Variants in LIG4 observed in about 807,000 individuals in gnomAD.
The protein encoded by LIG4 is DNA joinase.
LIG4 carries 13 observed loss-of-function variants against 19.0 expected under a neutral mutation model. The ratio of observed to expected loss-of-function variants is 0.68; its 90% CI spans 0.44 to 1.09. LIG4 has a LOEUF of 1.09. Ranked by LOEUF, LIG4 falls within the 50% of genes least tolerant of loss-of-function variation. LIG4 has a pLI of 0.00. For synonymous variants in LIG4, 361 were observed against 358.2 expected, an observed-to-expected ratio of 1.01 and a Z score of -0.09; for missense variants, 1,026 against 1,089.7, an observed-to-expected ratio of 0.94 and a Z score of 0.82.
chr13:108,217,292 G>T (rs773698467), upstream of LIG4, among the ~76,000 whole-genome samples: 8 of 152,224 alleles, frequency 5.3e-5, no homozygotes, highest in Non-Finnish European at 1.0e-4. Context: ...GAGGTGGGTG[G>T]ATCACCAGAG....
chr13:108,209,735 T>C lies in LIG4; in HGVS notation c.1534A>G (p.Met512Val), dbSNP rs267603750. 1.2e-6 allele frequency: 2 copies of C among 1,614,100 alleles called. No individual in the cohort carries two copies. Among genetic ancestry groups the C allele is most frequent in the Admixed American group, 1.7e-5 (1 of 60,022 alleles). Residue 512 changes from methionine to valine, a missense_variant, in exon 3 of 3, where the codon ATG becomes GTG. Met to Val is a conservative substitution (Grantham distance 21). This residue lies in a region of LIG4 where 521 missense variants were observed against 515.5 expected (regional missense o/e 1.01). Transcript: ENST00000442234. ...TLSRVGSGCT[M>V]KELYDLGLKL... ...AAACCCAGATCATACAGTTCTTTCATGGTGCAGCCAGACCCAACACGAGAG... is the reference window on the plus strand; with the variant it reads ...AAACCCAGATCATACAGTTCTTTCACGGTGCAGCCAGACCCAACACGAGAG...
intron 2 of LIG4, among the ~76,000 whole-genome samples, chr13:108,212,798 G>A (rs73607362): frequency 6.6e-6 from 1 of 152,040 alleles, no homozygotes; most frequent in African/African-American, 2.4e-5. Context: ...GCCAGGAATT[G>A]TGCTGTAATT....
At chr13:108,212,618 TG>T (rs1202672898) in intron 2 of LIG4, among the ~76,000 whole-genome samples, 1 of 151,916 alleles carries the variant, frequency 6.6e-6, no homozygotes, top group Non-Finnish European at 1.5e-5. Context: ...GAAGTTTTGC[TG>T]GGAGTGGGGA....
chr13:108,210,127 G>A lies in LIG4; in HGVS notation c.1142C>T (p.Thr381Ile). 1 of 1,613,654 alleles carries A rather than the reference G, an allele frequency of 6.2e-7. No homozygotes were observed. Among genetic ancestry groups the A allele is most frequent in the Non-Finnish European group, 8.5e-7 (1 of 1,179,940 alleles). ...MVNNKKLGHE[T>I]LRKRYEILSS... ...AAGAATCTCATACCTCTTTCTCAGA[G>A]TCTCATGCCCTAGCTTTTTATTATT... Residue 381 changes from threonine to isoleucine, a missense_variant, in exon 3 of 3, where the codon ACT becomes ATT. Thr to Ile is a moderately conservative substitution (Grantham distance 89). This residue lies in a region of LIG4 where 493 missense variants were observed against 544.5 expected (regional missense o/e 0.91). Transcript: ENST00000442234.
Position 108,211,213 on chromosome 13 carries a change from A to C in LIG4, c.56T>G (p.Leu19Trp), listed in dbSNP as rs765520147. 2.5e-6 allele frequency: 4 copies of C among 1,613,168 alleles called. No homozygotes were observed. The highest frequency in any genetic ancestry group is 2.7e-5 in the African/African-American group (2 of 74,938). ...TVASHVPFAD[L>W]CSTLERIQKS... ...CTGTATTCGTTCTAAAGTTGAACAC[A>C]AATCTGCAAAAGGAACGTGAGATGC... The change falls in exon 3 of 3, where the codon TTG (leucine) becomes TGG (tryptophan). Residue 19 changes from leucine (L) to tryptophan (W), a missense_variant. Around this residue, in one of 3 missense-constraint regions of LIG4, gnomAD observed 493 missense variants for 544.5 expected, o/e 0.91. Transcript: ENST00000442234.
rs886049949 is a variant in LIG4, at chr13:108,210,071, T to G, written c.1198A>C (p.Ile400Leu). 6.2e-7 allele frequency: 1 copy of G among 1,613,028 alleles called. No homozygotes were observed. Among genetic ancestry groups the G allele is most frequent in the South Asian group, 1.1e-5 (1 of 91,074 alleles). The change falls in exon 3 of 3, where the codon ATA becomes CTA. Residue 400 changes from isoleucine to leucine, a missense_variant. This residue lies in a region of LIG4 where 493 missense variants were observed against 544.5 expected (regional missense o/e 0.91). Transcript: ENST00000442234. The part of the protein sequence containing the change: ...SSIFTPIPGR[I>L]EIVQKTQAHT... ...GCTTGTGTTTTCTGCACTATTTCTA[T>G]TCTACCTGGAATTGGTGTAAAAATA...
chr13:108,214,276 A>G (rs950787393), intron 2 of LIG4, among the ~76,000 whole-genome samples: 6 of 152,342 alleles, frequency 3.9e-5, no homozygotes, highest in Middle Eastern at 3.4e-3. Context: ...TATCTTCCAC[A>G]GCACTTAGTG....
At chr13:108,216,481 A>G (rs1410879772), upstream of LIG4, among the ~76,000 whole-genome samples, 1 of 152,216 alleles carries the variant, frequency 6.6e-6, no homozygotes, top group East Asian at 1.9e-4. Flanking sequence ...AAACTGACAC[A>G]TTTCATTCAG....
chr13:108,218,242 C>T (rs115662952), upstream of LIG4: 35 of 152,428 alleles, frequency 2.3e-4, no homozygotes, highest in African/African-American at 8.2e-4. Flanking sequence ...GGGTACGGAA[C>T]TGGAGGGAGT....
chr13:108,208,518 C>G lies in LIG4; in HGVS notation c.*15G>C. 6.5e-7 allele frequency: 1 copy of G among 1,549,868 alleles called. No homozygotes were observed. Among genetic ancestry groups the G allele is most frequent in the Non-Finnish European group, 8.9e-7 (1 of 1,123,360 alleles). On this transcript the variant is annotated 3_prime_UTR_variant, in exon 3 of 3. Transcript: ENST00000442234. ...TCTGCCAGATCAGAGGCTTTCCTCACTAGGAAACCTAGCTTTAAATCAAAT... is the reference window on the plus strand; with the variant it reads ...TCTGCCAGATCAGAGGCTTTCCTCAGTAGGAAACCTAGCTTTAAATCAAAT...
chr13:108,211,993 TCA>T (rs1878709831), intron 2 of LIG4, among the ~76,000 whole-genome samples: 1 of 152,146 alleles, frequency 6.6e-6, no homozygotes, highest in Non-Finnish European at 1.5e-5. Flanking sequence ...CATAAAATCC[TCA>T]CTTTATCTAT....
At chr13:108,213,456 G>A (rs775733387) in intron 2 of LIG4, among the ~76,000 whole-genome samples, 1 of 152,236 alleles carries the variant, frequency 6.6e-6, no homozygotes, top group Non-Finnish European at 1.5e-5. Flanking sequence ...ATGACAAAAT[G>A]TAGGTAATGG....
upstream of LIG4, chr13:108,218,205 C>T (rs1029311902): frequency 3.3e-5 from 5 of 152,306 alleles, no homozygotes; most frequent in African/African-American, 1.2e-4. Context: ...CTCATCGGGT[C>T]CGGCACCTCT....
At position 108,210,485 on chromosome 13, in the gene LIG4, CCTT is replaced by C; in HGVS notation, c.781_783del (p.Lys261del). 1 of 1,613,062 alleles carries C rather than the reference CCTT, an allele frequency of 6.2e-7. No homozygotes were observed. The highest frequency in any genetic ancestry group is 1.7e-4 in the Middle Eastern group (1 of 6,038). ...ATGTAGAAACTCTGATGTTTCATAT[CCTT>C]CTCAATGTGCTCAATATCTGCAATA... On this transcript the variant is annotated inframe_deletion, in exon 3 of 3. Coordinates refer to ENST00000442234, the MANE Select transcript of LIG4 (RefSeq NM_206937.2).
rs959885828 is a variant in LIG4 at position 108,208,498 on chromosome 13, C to T, written c.*35G>A. 7.4e-7 allele frequency: 1 copy of T among 1,355,696 alleles called. No homozygotes were observed. Among genetic ancestry groups the T allele is most frequent in the Non-Finnish European group, 1.1e-6 (1 of 949,814 alleles). The allele number at this position is 1,355,696 out of a possible 1,614,324, so 84.0% of individuals were successfully genotyped here. A position where few individuals can be genotyped will look rare whatever the true frequency, so the allele number is the denominator to read the frequency against. On this transcript the variant is annotated 3_prime_UTR_variant, in exon 3 of 3. Transcript: ENST00000442234. ...TTACCACCTGCTGCAATGAGTCTGC[C>T]AGATCAGAGGCTTTCCTCACTAGGA...
chr13:108,213,248 C>T (rs1314212447), intron 2 of LIG4, among the ~76,000 whole-genome samples: 1 of 151,416 alleles, frequency 6.6e-6, no homozygotes, highest in East Asian at 1.9e-4. Context: ...TTTGCTCCCT[C>T]AAGGGAGTAA....
At chr13:108,211,386 A>T in intron 2 of LIG4, 90 bp from the exon 3 acceptor site, 2 of 785,260 alleles carry the variant, frequency 2.5e-6, no homozygotes, top group Non-Finnish European at 4.2e-6. Context: ...CACTGAGATC[A>T]TAATAAATGT....
At chr13:108,213,514 C>A (rs191835454) in intron 2 of LIG4, among the ~76,000 whole-genome samples, 5 of 152,304 alleles carry the variant, frequency 3.3e-5, no homozygotes, top group Non-Finnish European at 7.4e-5. Flanking sequence ...AACAAGGATT[C>A]CAAAATTGCC....
At position 108,209,362 on chromosome 13, in the gene LIG4, T is replaced by G; in HGVS notation, c.1907A>C (p.Lys636Thr). Residue 636 changes from lysine to threonine, a missense_variant, in exon 3 of 3, where the codon AAA (lysine) becomes ACA (threonine). Lys to Thr is a moderately conservative substitution (Grantham distance 78). Transcript: ENST00000442234. ...TAAGTGCTCAATAATTCCAATAACTTTCTTCATCTTTGGGGCAGCTTTCCG... is the reference window on the plus strand; with the variant it reads ...TAAGTGCTCAATAATTCCAATAACTGTCTTCATCTTTGGGGCAGCTTTCCG... ...KKRKAAPKMK[K>T]VIGIIEHLKA... is the part of the protein sequence containing the mutation. 6.2e-7 allele frequency: 1 copy of G among 1,614,148 alleles called. No homozygotes were observed. The highest frequency in any genetic ancestry group is 8.5e-7 in the Non-Finnish European group (1 of 1,180,018).
Sources: allele counts gnomAD v4.1 joint callset (sites outside exome capture counted in the v4.1 genomes callset), GRCh38; gene constraint gnomAD v4.1.1; regional missense constraint gnomAD v4.1.1; transcripts MANE v1.5; gene names NCBI Gene and HGNC (gene_info 2026-07-23, HGNC 2026-07-21).